Variants in NLK observed in about 807,000 individuals in gnomAD.
The protein encoded by NLK is serine/threonine-protein kinase NLK.
Under a neutral mutation model 59.0 loss-of-function variants are expected in NLK, and 11 were observed. The ratio of observed to expected loss-of-function variants is 0.19; its 90% CI spans 0.12 to 0.31. The LOEUF (loss-of-function observed/expected upper bound fraction) is 0.31. Among genes scored for constraint, NLK ranks in the 10% least tolerant of loss-of-function variants. The pLI is 1.00. For synonymous variants in NLK, 235 were observed against 235.9 expected, an observed-to-expected ratio of 1.00 and a Z score of 0.03; for missense variants, 410 against 661.1, an observed-to-expected ratio of 0.62 and a Z score of 4.16.
chr17:28,090,670 G>T (rs1375614513), intron 1 of NLK, among the ~76,000 whole-genome samples: 1 of 151,782 alleles, frequency 6.6e-6, no homozygotes, highest in Non-Finnish European at 1.5e-5. Flanking sequence ...ATCTCCTGGT[G>T]GGAGCTTGTT....
At chr17:28,173,003 A>G (rs1297894161) in intron 7 of NLK, among the ~76,000 whole-genome samples, 1 of 152,190 alleles carries the variant, frequency 6.6e-6, no homozygotes, top group Non-Finnish European at 1.5e-5. Flanking sequence ...TATTCCAGCC[A>G]GGACTGTGAA....
At chr17:28,133,777 A>C (rs753173186) in intron 3 of NLK, among the ~76,000 whole-genome samples, 31 of 152,152 alleles carry the variant, frequency 2.0e-4, no homozygotes, top group Non-Finnish European at 4.1e-4. Context: ...CAGAATGGAA[A>C]CCAATGTAAT....
chr17:28,097,418 C>G (rs987011533), intron 1 of NLK, among the ~76,000 whole-genome samples: 5 of 151,994 alleles, frequency 3.3e-5, no homozygotes, highest in Non-Finnish European at 7.4e-5. Flanking sequence ...TTTCCTTTTT[C>G]TGCAGTCAAA....
intron 8 of NLK, among the ~76,000 whole-genome samples, chr17:28,188,067 G>A (rs545770359): frequency 2.5e-4 from 38 of 152,218 alleles, no homozygotes; most frequent in African/African-American, 8.7e-4. Context: ...GCTGGGCGTG[G>A]TAGCACATGC....
At chr17:28,119,574 A>G (rs1415830647) in intron 1 of NLK, among the ~76,000 whole-genome samples, 2 of 152,184 alleles carry the variant, frequency 1.3e-5, no homozygotes, top group Non-Finnish European at 2.9e-5. Flanking sequence ...TTAAAAACTA[A>G]TATTTATTGT....
At chr17:28,203,834 G>GC in the NLK span, among the ~76,000 whole-genome samples, 2 of 152,222 alleles carry the variant, frequency 1.3e-5, no homozygotes, top group African/African-American at 2.4e-5. Context: ...ACTGCGCCCG[G>GC]CCCTGTTGAT....
At chr17:28,114,236 T>C (rs1297482094) in intron 1 of NLK, among the ~76,000 whole-genome samples, 3 of 152,224 alleles carry the variant, frequency 2.0e-5, no homozygotes, top group Non-Finnish European at 2.9e-5. Flanking sequence ...TGTATAGATA[T>C]GCATATTCCT....
At chr17:28,082,678 T>C (rs958946423) in intron 1 of NLK, among the ~76,000 whole-genome samples, 2 of 152,342 alleles carry the variant, frequency 1.3e-5, no homozygotes, top group East Asian at 3.9e-4. Flanking sequence ...AATGTTGACC[T>C]CTAAAGTTGA....
At chr17:28,043,497 T>C (rs1169923802) in intron 1 of NLK, among the ~76,000 whole-genome samples, 166 bp downstream of exon 1, 10 of 152,204 alleles carry the variant, frequency 6.6e-5, no homozygotes, top group Non-Finnish European at 1.2e-4. Context: ...CCTAATGCAT[T>C]GGCTGTCTAG....
In NLK at chr17:28,155,350, A is replaced by AT. The variant is rs374521226; in HGVS notation, c.645-5810_645-5809insT. 6.6e-3 allele frequency among the ~76,000 whole-genome samples: 1,000 copies of AT among 152,324 alleles called. 16 individuals carry two copies. The highest frequency in any genetic ancestry group is 0.022 in the African/African-American group (934 of 41,584). On this transcript the variant is annotated intron_variant, in intron 3 of 10. Transcript: ENST00000407008. ...GCTGGTGGGAGTATAAATTAGTTCA[A>AT]CCATTGTGGAAGACAGTGTGGCGAT...
intron 8 of NLK, among the ~76,000 whole-genome samples, chr17:28,187,901 T>A (rs1483380652): frequency 6.6e-6 from 1 of 152,148 alleles, no homozygotes; most frequent in African/African-American, 2.4e-5. Context: ...CATAGTCATT[T>A]AAAAATAAAG....
chr17:28,113,022 A>G (rs1905592099), intron 1 of NLK, among the ~76,000 whole-genome samples: 1 of 152,216 alleles, frequency 6.6e-6, no homozygotes, highest in Non-Finnish European at 1.5e-5. Context: ...ATCTATATGA[A>G]AAATAATGGA....
chr17:28,161,132 C>T (rs1309759182), intron 3 of NLK, 28 bp from the exon 4 acceptor site: 2 of 1,320,646 alleles, frequency 1.5e-6, no homozygotes, highest in Non-Finnish European at 2.2e-6. Flanking sequence ...CTGAATTCGC[C>T]GAACTCTCCT....
intron 3 of NLK, among the ~76,000 whole-genome samples, chr17:28,160,046 T>C (rs1039302308): frequency 1.3e-5 from 2 of 152,322 alleles, no homozygotes; most frequent in African/African-American, 2.4e-5. Flanking sequence ...CAGTTTGATA[T>C]ACCAGTCTGC....
intron 1 of NLK, among the ~76,000 whole-genome samples, chr17:28,081,060 T>G (rs775046872): frequency 6.6e-6 from 1 of 151,872 alleles, no homozygotes; most frequent in Non-Finnish European, 1.5e-5. Context: ...TGGCTTTTTT[T>G]TTTTTCTTTT....
chr17:28,197,902 TTTAC>T (rs559695514), downstream of NLK, among the ~76,000 whole-genome samples: 17 of 152,292 alleles, frequency 1.1e-4, no homozygotes, highest in South Asian at 3.5e-3. Flanking sequence ...GGGGACTGAC[TTTAC>T]TTCAAGAAGA....
At position 28,118,975 on chromosome 17, in the gene NLK, A is replaced by G. The variant is rs918139312; in HGVS notation, c.459-3628A>G. Among the ~76,000 whole-genome samples, 4 of 152,200 alleles carry G rather than the reference A, an allele frequency of 2.6e-5. No individual in the cohort carries two copies. In the East Asian group the frequency reaches 7.7e-4, roughly 29 times the overall value. ...CATCCAGTGTTTAGCAGAGAAAGTA[A>G]CTGCCCTAGAATTGTAGGTATAAGG... On this transcript the variant is annotated intron_variant, in intron 1 of 10. Coordinates refer to ENST00000407008, the MANE Select transcript of NLK (RefSeq NM_016231.5).
chr17:28,104,553 C>T (rs1209582073), intron 1 of NLK, among the ~76,000 whole-genome samples: 2 of 151,974 alleles, frequency 1.3e-5, no homozygotes, highest in Non-Finnish European at 2.9e-5. Flanking sequence ...TACACCCGGC[C>T]GGGTTTTAGT....
In NLK at chr17:28,168,597, T is replaced by C; in HGVS notation, c.987T>C (p.Cys329=). 3 of 1,613,942 alleles carry C rather than the reference T, an allele frequency of 1.9e-6. No individual in the cohort carries two copies. Among genetic ancestry groups the C allele is most frequent in the Middle Eastern group, 1.6e-4 (1 of 6,062 alleles). ...SNAIDIWSVG[C]IFAELLGRRI... Reference sequence around the variant, plus strand: ...CTATTGACATCTGGTCTGTGGGATGTATCTTTGCAGAACTACTAGGACGAA... The same window carrying C: ...CTATTGACATCTGGTCTGTGGGATGCATCTTTGCAGAACTACTAGGACGAA... The change falls in exon 6 of 11, where the codon TGT becomes TGC. Residue 329 remains cysteine (C), a synonymous_variant. Transcript: ENST00000407008.
Sources: allele counts gnomAD v4.1 joint callset (sites outside exome capture counted in the v4.1 genomes callset), GRCh38; gene constraint gnomAD v4.1.1; transcripts MANE v1.5; gene names NCBI Gene and HGNC (gene_info 2026-07-23, HGNC 2026-07-21).